The following REV3L variants were observed in gnomAD, a reference collection of about 807,000 sequenced individuals.
The protein encoded by REV3L is DNA polymerase zeta catalytic subunit.
In REV3L, 69 loss-of-function variants were observed where a neutral mutation model predicts 299.4. The observed-to-expected ratio is 0.23, with a 90% CI of 0.19 to 0.28. The LOEUF is 0.28. Ranked by LOEUF, REV3L falls within the 10% of genes least tolerant of loss-of-function variation. The pLI is 1.00. For synonymous variants in REV3L, 1,238 were observed against 1,271.4 expected, an observed-to-expected ratio of 0.97 and a Z score of 0.56; for missense variants, 3,128 against 3,693.8, an observed-to-expected ratio of 0.85 and a Z score of 3.97.
At chr6:111,453,030 T>C (rs1789741240) in intron 1 of REV3L, among the ~76,000 whole-genome samples, 2 of 152,210 alleles carry the variant, frequency 1.3e-5, no homozygotes, top group South Asian at 4.1e-4. Context: ...TAAATATATA[T>C]TTTAACCATT....
rs1039505071 is a variant in REV3L at position 111,375,004 on chromosome 6, G to A, written c.3351C>T (p.Ser1117=). The A allele has an allele frequency of 1.2e-6, 2 of 1,613,284 alleles. No individual in the cohort carries two copies. The highest frequency in any genetic ancestry group is 1.1e-5 in the South Asian group (1 of 90,764). ...MSKLGFLSER[S]TSPINSSPPR... ...GTGGAGAAGAATTTATGGGACTTGT[G>A]CTTCTCTCAGAAAGAAAACCTAGTT... is the stretch of plus-strand genomic sequence containing the variant. Residue 1117 remains serine (S), a synonymous_variant, in exon 13 of 32, where the codon AGC becomes AGT. Transcript: ENST00000368802.
At chr6:111,442,253 T>C (rs1024660565) in intron 1 of REV3L, among the ~76,000 whole-genome samples, 3 of 152,234 alleles carry the variant, frequency 2.0e-5, no homozygotes, top group Non-Finnish European at 2.9e-5. Flanking sequence ...AAGAGGAGTG[T>C]TGAAGTCTCC....
At chr6:111,412,172 C>A (rs1038469931) in intron 2 of REV3L, 2 of 985,208 alleles carry the variant, frequency 2.0e-6, no homozygotes, top group African/African-American at 3.5e-5. Context: ...CTGTAACACA[C>A]AACCATATCA....
chr6:111,430,190 A>G lies in REV3L; in HGVS notation c.140-13718T>C. 5.0e-6 allele frequency: 4 copies of G among 804,736 alleles called. No individual in the cohort carries two copies. The Admixed American group carries it at 5.1e-5, about 10-fold the overall frequency. The allele number at this position is 804,736 out of a possible 1,614,324, so 49.8% of individuals were successfully genotyped here. On this transcript the variant is annotated intron_variant, in intron 1 of 31. Coordinates refer to ENST00000368802, the MANE Select transcript of REV3L (RefSeq NM_001372078.1). ...ACTTGCCCGGTGAGAAGCCTCTCAC[A>G]AGCACTTTAGCCAAACAAGAAGAAG...
At chr6:111,317,482 CTACCT>C (rs1773664602) in intron 26 of REV3L, among the ~76,000 whole-genome samples, 1 of 152,080 alleles carries the variant, frequency 6.6e-6, no homozygotes. Flanking sequence ...TATACCAATA[CTACCT>C]TACTTTATTT....
chr6:111,403,267 A>G (rs1475072642), intron 4 of REV3L, among the ~76,000 whole-genome samples: 1 of 152,212 alleles, frequency 6.6e-6, no homozygotes, highest in African/African-American at 2.4e-5. Flanking sequence ...GCTACAGGTC[A>G]TAGGATTTCT....
intron 21 of REV3L, among the ~76,000 whole-genome samples, chr6:111,339,840 T>C (rs1160311202): frequency 1.3e-5 from 2 of 152,160 alleles, no homozygotes; most frequent in Admixed American, 6.5e-5. Context: ...GAAAGAGTAA[T>C]TGTGGCCTTT....
Position 111,380,208 on chromosome 6 carries a change from G to A in REV3L, c.1228C>T (p.Pro410Ser). The A allele has an allele frequency of 1.2e-6, 2 of 1,609,758 alleles. No individual in the cohort carries two copies. Among genetic ancestry groups the A allele is most frequent in the Non-Finnish European group, 1.7e-6 (2 of 1,176,210 alleles). Reference protein sequence around the residue: ...SESPVFMDSSPDEALVHLLAG... With the variant: ...SESPVFMDSSSDEALVHLLAG... ...AGAAGATGTACCAGAGCCTCATCAGGACTACTGTCCACTATAAAACAAGTA... is the reference window on the plus strand; with the variant it reads ...AGAAGATGTACCAGAGCCTCATCAGAACTACTGTCCACTATAAAACAAGTA... The change falls in exon 11 of 32, where the codon CCT becomes TCT. Residue 410 changes from proline to serine, a missense_variant. By Grantham distance (74) the Pro-to-Ser change is moderately conservative (BLOSUM62 -1). This residue lies in a region of REV3L where 2,409 missense variants were observed against 2,611.8 expected (regional missense o/e 0.92). Transcript: ENST00000368802.
intron 1 of REV3L, among the ~76,000 whole-genome samples, chr6:111,458,287 T>C (rs1326295509): frequency 6.6e-6 from 1 of 151,556 alleles, no homozygotes; most frequent in Non-Finnish European, 1.5e-5. Context: ...CAAAGGAATA[T>C]ATCTAAGAGC....
chr6:111,334,799 T>C (rs1775749250), intron 22 of REV3L, among the ~76,000 whole-genome samples: 2 of 152,210 alleles, frequency 1.3e-5, no homozygotes, highest in Non-Finnish European at 2.9e-5. Context: ...ATTTTTGCTA[T>C]ATTTACTGAA....
chr6:111,347,314 A>G (rs1003575246), intron 20 of REV3L, among the ~76,000 whole-genome samples: 1 of 151,472 alleles, frequency 6.6e-6, no homozygotes, highest in Admixed American at 6.6e-5. Flanking sequence ...AATGAAATAT[A>G]CACACCAAAT....
At chr6:111,466,803 C>G (rs1250167873) in intron 1 of REV3L, among the ~76,000 whole-genome samples, 2 of 152,124 alleles carry the variant, frequency 1.3e-5, no homozygotes, top group Non-Finnish European at 2.9e-5. Flanking sequence ...GATCGCACCA[C>G]AGCACTCTAG....
rs751773472 is a variant in REV3L, at chr6:111,373,330, C to G, written c.5025G>C (p.Gln1675His). 6.2e-7 allele frequency: 1 copy of G among 1,613,934 alleles called. No individual in the cohort carries two copies. The highest frequency in any genetic ancestry group is 8.5e-7 in the Non-Finnish European group (1 of 1,179,964). The change falls in exon 13 of 32, where the codon CAG becomes CAC. Residue 1675 changes from glutamine (Q) to histidine (H), a missense_variant. By Grantham distance (24) the Gln-to-His change is conservative (BLOSUM62 0). This residue lies in a region of REV3L where 2,409 missense variants were observed against 2,611.8 expected (regional missense o/e 0.92). Transcript: ENST00000368802. Reference sequence around the variant, plus strand: ...CCTGAACAGCATCACTTAGGAACTTCTGAGGCAAATTCTGATCAGCTGGGA... The same window carrying G: ...CCTGAACAGCATCACTTAGGAACTTGTGAGGCAAATTCTGATCAGCTGGGA... Reference protein sequence around the residue: ...QFVPADQNLPQKFLSDAVQDL... With the variant: ...QFVPADQNLPHKFLSDAVQDL...
At chr6:111,468,343 A>T (rs1417464994) in intron 1 of REV3L, among the ~76,000 whole-genome samples, 1 of 152,242 alleles carries the variant, frequency 6.6e-6, no homozygotes, top group African/African-American at 2.4e-5. Flanking sequence ...GTAATCTACC[A>T]TAAGAACTAA....
intron 4 of REV3L, among the ~76,000 whole-genome samples, chr6:111,403,997 G>C (rs905521988): frequency 1.3e-5 from 2 of 152,176 alleles, no homozygotes; most frequent in African/African-American, 4.8e-5. Context: ...CAAGTTCTCT[G>C]GAAGACCTAG....
At chr6:111,385,025 C>T (rs1210019820) in intron 9 of REV3L, among the ~76,000 whole-genome samples, 1 of 152,018 alleles carries the variant, frequency 6.6e-6, no homozygotes, top group Non-Finnish European at 1.5e-5. Flanking sequence ...CATGTTCTCA[C>T]TCACTTGTGG....
At chr6:111,350,421 T>A (rs1485686117) in intron 19 of REV3L, among the ~76,000 whole-genome samples, 1 of 151,892 alleles carries the variant, frequency 6.6e-6, no homozygotes, top group African/African-American at 2.4e-5. Context: ...TTATCCCTAT[T>A]TTACAGATGA....
rs779920170 is a variant in REV3L, at chr6:111,377,798, G to A, written c.1500C>T (p.Asp500=). ...NTHRSSTEDD[D]SSSGEEMEWS... Reference sequence around the variant, plus strand: ...ATTCCATTTCTTCTCCTGAAGATGAGTCATCATCTTCAGTTGAACTTCTGT... The same window carrying A: ...ATTCCATTTCTTCTCCTGAAGATGAATCATCATCTTCAGTTGAACTTCTGT... The change falls in exon 12 of 32, where the codon GAC becomes GAT. Residue 500 remains aspartate, a synonymous_variant. Coordinates refer to ENST00000368802, the MANE Select transcript of REV3L (RefSeq NM_001372078.1). 1.8e-5 allele frequency: 29 copies of A among 1,610,054 alleles called. No individual in the cohort carries two copies. Among genetic ancestry groups the A allele is most frequent in the South Asian group, 6.6e-5 (6 of 90,942 alleles).
chr6:111,322,434 T>TC, intron 26 of REV3L, 135 bp downstream of exon 26: 1 of 673,288 alleles, frequency 1.5e-6, no homozygotes, highest in Non-Finnish European at 2.6e-6. Flanking sequence ...TTAACTCTGA[T>TC]CATGAGATCG....
Sources: gnomAD v4.1 joint callset for allele counts (sites outside exome capture counted in the v4.1 genomes callset) on GRCh38, gnomAD v4.1.1 for gene constraint, gnomAD v4.1.1 regional missense constraint, MANE v1.5 for transcripts, NCBI Gene and HGNC (gene_info 2026-07-23, HGNC 2026-07-21) for gene names.